The following FRMD4B variants were observed in gnomAD, a reference collection of about 807,000 sequenced individuals.
FRMD4B encodes FERM domain containing 4B.
Under a neutral mutation model 141.5 loss-of-function variants are expected in FRMD4B, and 74 were observed. The ratio of observed to expected loss-of-function variants is 0.52; its 90% confidence interval spans 0.43 to 0.63. The LOEUF (loss-of-function observed/expected upper bound fraction) is 0.63, where lower values mean the gene tolerates loss of function less well. Among genes scored for constraint, FRMD4B ranks in the 30% least tolerant of loss-of-function variants. The pLI, the probability that FRMD4B is intolerant of heterozygous loss-of-function variation, is 0.00. For synonymous variants in FRMD4B, 506 were observed against 467.9 expected (o/e 1.08, Z -1.05); for missense variants, 1,366 against 1,253.4 (o/e 1.09, Z -1.36).
At chr3:69,310,545 CACAG>C (rs1369135518) in intron 3 of FRMD4B, 1 of 425,842 alleles carries the variant, frequency 2.3e-6, no homozygotes, top group Admixed American at 2.6e-5. Context: ...GACAGATACA[CACAG>C]ACAAACACAC....
chr3:69,472,938 C>CTTTTTTTTTTTTTTTTTTTTT (rs71618285), intron 1 of FRMD4B, among the ~76,000 whole-genome samples: 1 of 108,330 alleles, frequency 9.2e-6, no homozygotes, highest in Non-Finnish European at 1.8e-5. Flanking sequence ...TTTTTTTTTT[C>CTTTTTTTTTTTTTTTTTTTTT]TTTTTTTTTT....
At chr3:69,494,184 T>C (rs950216186) in intron 1 of FRMD4B, among the ~76,000 whole-genome samples, 10 of 152,170 alleles carry the variant, frequency 6.6e-5, no homozygotes, top group African/African-American at 2.2e-4. Flanking sequence ...CCAACCATGA[T>C]AGTATTTCTT....
chr3:69,181,441 T>G lies in FRMD4B; in HGVS notation c.2309A>C (p.Asn770Thr), dbSNP rs148389023. ...TRGRRRSKKQ[N>T]VSTSNSGSMP... ...GCTTCCTGAATTTGAAGTAGAAACA[T>G]TCTGTTTCTTTGACCTCCTCCGACC... Residue 770 changes from asparagine (N) to threonine (T), a missense_variant, in exon 21 of 23, where the codon AAT becomes ACT. By Grantham distance (65) the Asn-to-Thr change is moderately conservative (BLOSUM62 0). Coordinates refer to ENST00000398540, the MANE Select transcript of FRMD4B (RefSeq NM_015123.3). 20,515 of 1,613,782 alleles carry G rather than the reference T, an allele frequency of 0.013. 171 individuals are homozygous for G. The highest frequency in any genetic ancestry group is 0.016 in the Non-Finnish European group (18,357 of 1,179,712).
intron 18 of FRMD4B, among the ~76,000 whole-genome samples, chr3:69,189,237 A>AAG (rs2092808608): frequency 2.0e-5 from 3 of 151,098 alleles, no homozygotes; most frequent in Admixed American, 2.0e-4. Flanking sequence ...AAAAAAAAAA[A>AAG]AAAAAAAAAG....
intron 1 of FRMD4B, among the ~76,000 whole-genome samples, chr3:69,522,711 G>A (rs1478390017): frequency 6.6e-6 from 1 of 152,098 alleles, no homozygotes; most frequent in Non-Finnish European, 1.5e-5. Context: ...TGCAACGGAT[G>A]CAAAAATAAT....
rs186265164 is a variant in FRMD4B at position 69,375,109 on chromosome 3, C to A, written c.162+10719G>T. ...ACACCTACCTATCTATCCTACCTACCATTCATCCATCCAACATCCATCCAT... is the reference window on the plus strand; with the variant it reads ...ACACCTACCTATCTATCCTACCTACAATTCATCCATCCAACATCCATCCAT... On this transcript the variant is annotated intron_variant, in intron 1 of 22. Transcript: ENST00000398540. Among the ~76,000 whole-genome samples, 265 of 149,286 alleles carry A rather than the reference C, an allele frequency of 1.8e-3. 1 individual carries two copies. The highest frequency in any genetic ancestry group is 6.0e-3 in the African/African-American group (242 of 40,546).
At position 69,169,115 on chromosome 3, in the gene FRMD4B, A is replaced by T. The variant is rs538339855; in HGVS notation, c.*2746T>A. 3.3e-5 allele frequency among the ~76,000 whole-genome samples: 5 copies of T among 152,116 alleles called. No individual in the cohort carries two copies. In the East Asian group the frequency reaches 9.7e-4, roughly 29 times the overall value. ...CAATAAATTAACTATTATATCTGAG[A>T]GTGTTCGGCTAATGGGCACGATTAT... is the stretch of plus-strand genomic sequence containing the variant. On this transcript the variant is annotated 3_prime_UTR_variant, in exon 23 of 23. Coordinates refer to ENST00000398540, the MANE Select transcript of FRMD4B (RefSeq NM_015123.3).
intron 4 of FRMD4B, among the ~76,000 whole-genome samples, chr3:69,291,910 CT>C (rs35703345): frequency 0.17 from 18,046 of 105,372 alleles, 1,306 homozygotes; most frequent in East Asian, 0.35. Context: ...ACAGGAATCT[CT>C]TTTTTTTTTT....
chr3:69,422,392 A>AAAG (rs1195167783), intron 2 of FRMD4B, among the ~76,000 whole-genome samples: 1 of 151,622 alleles, frequency 6.6e-6, no homozygotes, highest in East Asian at 1.9e-4. Context: ...GAAAAAAAAA[A>AAAG]AAAAAGAAGA....
intron 1 of FRMD4B, among the ~76,000 whole-genome samples, chr3:69,485,654 C>A (rs898709669): frequency 1.3e-5 from 2 of 152,232 alleles, no homozygotes; most frequent in Admixed American, 6.5e-5. Flanking sequence ...CCAGCCCCCT[C>A]ACAGCCTGGG....
At chr3:69,475,988 G>T (rs1256660445) in intron 1 of FRMD4B, among the ~76,000 whole-genome samples, 4 of 151,348 alleles carry the variant, frequency 2.6e-5, no homozygotes, top group Admixed American at 6.6e-5. Flanking sequence ...ATGTTTTTTT[G>T]GCTGCATAAA....
chr3:69,206,518 G>C (rs1224192606), intron 11 of FRMD4B, among the ~76,000 whole-genome samples: 1 of 152,164 alleles, frequency 6.6e-6, no homozygotes, highest in Non-Finnish European at 1.5e-5. Context: ...TTCCTCTGTG[G>C]CCGAATCTCT....
intron 11 of FRMD4B, among the ~76,000 whole-genome samples, chr3:69,215,796 T>C (rs1559724592): frequency 1.3e-5 from 2 of 152,222 alleles, no homozygotes; most frequent in African/African-American, 2.4e-5. Context: ...AATATGTATA[T>C]GCATAAATGT....
chr3:69,453,636 C>T (rs1575807258), intron 1 of FRMD4B, among the ~76,000 whole-genome samples: 1 of 152,196 alleles, frequency 6.6e-6, no homozygotes, highest in Non-Finnish European at 1.5e-5. Context: ...GAAAACCAAT[C>T]TCAGCATGGC....
At chr3:69,496,612 T>TGAGAGAGAGA (rs142597397) in intron 1 of FRMD4B, among the ~76,000 whole-genome samples, 2 of 88,152 alleles carry the variant, frequency 2.3e-5, no homozygotes, top group African/African-American at 4.8e-5. Flanking sequence ...AGAGAGAGAG[T>TGAGAGAGAGA]GAGAGAGAGA....
intron 2 of FRMD4B, among the ~76,000 whole-genome samples, chr3:69,403,730 A>C (rs1203929696): frequency 6.6e-6 from 1 of 152,198 alleles, no homozygotes; most frequent in African/African-American, 2.4e-5. Flanking sequence ...TTACAAGTTC[A>C]AGTATACTCC....
chr3:69,410,366 T>C (rs1225699840), intron 2 of FRMD4B, among the ~76,000 whole-genome samples: 1 of 151,832 alleles, frequency 6.6e-6, no homozygotes. Flanking sequence ...TCTGCGTGAG[T>C]GTAATGGATA....
At chr3:69,477,459 A>C (rs1706022472) in intron 1 of FRMD4B, among the ~76,000 whole-genome samples, 1 of 151,426 alleles carries the variant, frequency 6.6e-6, no homozygotes, top group African/African-American at 2.4e-5. Flanking sequence ...CTATTGAGAT[A>C]AGCATGTGGT....
chr3:69,386,415 A>G (rs1704256229), upstream of FRMD4B: 1 of 159,844 alleles, frequency 6.3e-6, no homozygotes, highest in African/African-American at 2.4e-5. Context: ...CTTGGCTTCC[A>G]CGTCTTGCGC....
Sources: gnomAD v4.1 joint callset for allele counts (sites outside exome capture counted in the v4.1 genomes callset) on GRCh38, gnomAD v4.1.1 for gene constraint, MANE v1.5 for transcripts, NCBI Gene and HGNC (gene_info 2026-07-23, HGNC 2026-07-21) for gene names.